GTF2F2: variants seen among roughly 807,000 people sequenced by gnomAD.
GTF2F2 encodes the protein ATP-dependent helicase GTF2F2.
GTF2F2 carries 23 observed loss-of-function variants against 42.2 expected under a neutral mutation model. The observed-to-expected ratio is 0.55, with a 90% CI of 0.39 to 0.77. GTF2F2 has a LOEUF of 0.77. Ranked by LOEUF, GTF2F2 falls within the 30% of genes least tolerant of loss-of-function variation. The pLI is 0.00. For synonymous variants in GTF2F2, 105 were observed against 100.8 expected (o/e 1.04, Z -0.25); for missense variants, 261 against 287.2 (o/e 0.91, Z 0.66).
rs952426446 is a variant in GTF2F2 at position 45,123,755 on chromosome 13, T to C, written c.66+3034T>C. ...AACAAAATATCCAGGACCTGTACTG[T>C]TCTGGCCTAATGAAGTGCTATTTCT... On this transcript the variant is annotated intron_variant, in intron 1 of 7. Coordinates refer to ENST00000340473, the MANE Select transcript of GTF2F2 (RefSeq NM_004128.3). 7.9e-5 allele frequency among the ~76,000 whole-genome samples: 12 copies of C among 152,084 alleles called. 1 individual carries two copies. The highest frequency in any genetic ancestry group is 2.9e-4 in the African/African-American group (12 of 41,506).
intron 4 of GTF2F2, among the ~76,000 whole-genome samples, chr13:45,191,533 TGAATG>T (rs1167312615): frequency 1.3e-5 from 2 of 151,910 alleles, no homozygotes; most frequent in Non-Finnish European, 2.9e-5. Flanking sequence ...TTGAGTTTCT[TGAATG>T]GAAAGTATTT....
chr13:45,255,509 A>G (rs768300597), intron 6 of GTF2F2, among the ~76,000 whole-genome samples: 3 of 152,214 alleles, frequency 2.0e-5, no homozygotes, highest in Non-Finnish European at 4.4e-5. Flanking sequence ...TTAGGAGGAA[A>G]ATAAACTAAA....
chr13:45,180,913 G>GTGTAGACTTA (rs1872121586), intron 4 of GTF2F2, among the ~76,000 whole-genome samples: 34 of 151,804 alleles, frequency 2.2e-4, no homozygotes, highest in African/African-American at 8.3e-4. Context: ...TATAATCCCA[G>GTGTAGACTTA]CACTTTGGGA....
At position 45,212,447 on chromosome 13, in the gene GTF2F2, G is replaced by GTTTCTTTCTTTCTTTTCTTTTCTTTTC. The variant is rs1555269186; in HGVS notation, c.386+4957_386+4958insTCTTTTCTTTTCTTTCTTTCTTTCTTT. Among the ~76,000 whole-genome samples the GTTTCTTTCTTTCTTTTCTTTTCTTTTC allele has an allele frequency of 5.4e-3, 246 of 45,672 alleles. 15 individuals are homozygous for GTTTCTTTCTTTCTTTTCTTTTCTTTTC. Among genetic ancestry groups the GTTTCTTTCTTTCTTTTCTTTTCTTTTC allele is most frequent in the East Asian group, 0.024 (48 of 2,040 alleles). 30.0% of individuals were successfully genotyped at this position (45,672 alleles called of 152,430 possible). On this transcript the variant is annotated intron_variant, in intron 5 of 7. Coordinates refer to ENST00000340473, the MANE Select transcript of GTF2F2 (RefSeq NM_004128.3). ...TGATTTCTTTCTTTCTTTCTTTCTT[G>GTTTCTTTCTTTCTTTTCTTTTCTTTTC]TTTCTTTCTTTCTTTCTTTCTTTCT...
intron 5 of GTF2F2, chr13:45,219,204 A>G (rs1874012741): frequency 6.6e-6 from 1 of 152,188 alleles, no homozygotes; most frequent in East Asian, 1.9e-4. Flanking sequence ...ACAAAAAAGA[A>G]AATTGAATCA....
intron 4 of GTF2F2, among the ~76,000 whole-genome samples, chr13:45,166,635 T>C (rs1871310853): frequency 6.6e-6 from 1 of 152,308 alleles, no homozygotes; most frequent in South Asian, 2.1e-4. Flanking sequence ...CAATCCACTA[T>C]GACCAGACTT....
rs1344263654 is a variant in GTF2F2, at chr13:45,207,004, A to AC, written c.305-420_305-419insC. 1.1e-3 allele frequency: 151 copies of AC among 137,520 alleles called. No individual in the cohort carries two copies. In the South Asian group the frequency reaches 0.012, roughly 11 times the overall value. The allele number at this position is 137,520 out of a possible 1,614,324, so 8.5% of individuals were successfully genotyped here. A position where few individuals can be genotyped will look rare whatever the true frequency, so the allele number is the denominator to read the frequency against. On this transcript the variant is annotated intron_variant, in intron 4 of 7. Transcript: ENST00000340473. ...ACTTGAGAATTTTATTCACATACAC[A>AC]AACACACACACACACACACACACAC... is the stretch of plus-strand genomic sequence containing the variant.
chr13:45,205,194 C>T (rs1014491211), intron 4 of GTF2F2, among the ~76,000 whole-genome samples: 1 of 152,172 alleles, frequency 6.6e-6, no homozygotes, highest in African/African-American at 2.4e-5. Context: ...AATTGACTCA[C>T]GGTTCCGCAT....
chr13:45,132,710 G>A lies in GTF2F2; in HGVS notation c.67-4023G>A, dbSNP rs987465259. 1.6e-4 allele frequency among the ~76,000 whole-genome samples: 24 copies of A among 151,990 alleles called. No individual in the cohort carries two copies. In the South Asian group the frequency reaches 2.5e-3, roughly 16 times the overall value. ...ATAGTTTATCCATTGTTTAAAGAGG[G>A]TAAAGCAAGTAAAAGTATCCAATTG... On this transcript the variant is annotated intron_variant, in intron 1 of 7. Coordinates refer to ENST00000340473, the MANE Select transcript of GTF2F2 (RefSeq NM_004128.3).
At chr13:45,170,527 C>T (rs1174880267) in intron 4 of GTF2F2, among the ~76,000 whole-genome samples, 4 of 152,172 alleles carry the variant, frequency 2.6e-5, no homozygotes, top group Non-Finnish European at 5.9e-5. Flanking sequence ...GTCTTGAAAT[C>T]ATCTCCAACA....
chr13:45,224,908 A>G (rs1384302642), intron 5 of GTF2F2, among the ~76,000 whole-genome samples: 1 of 152,246 alleles, frequency 6.6e-6, no homozygotes, highest in East Asian at 1.9e-4. Flanking sequence ...TTTGTGGGAT[A>G]CCATCTTTGT....
At chr13:45,223,424 C>T (rs1010481146) in intron 5 of GTF2F2, among the ~76,000 whole-genome samples, 10 of 151,994 alleles carry the variant, frequency 6.6e-5, no homozygotes, top group African/African-American at 1.9e-4. Context: ...CCAATCCTGT[C>T]GGGTACGCAC....
intron 7 of GTF2F2, among the ~76,000 whole-genome samples, chr13:45,278,749 CAT>C (rs1402713857): frequency 1.3e-5 from 2 of 149,318 alleles, no homozygotes; most frequent in African/African-American, 4.9e-5. Context: ...TCAGTGGTCT[CAT>C]AATACCCTGT....
At chr13:45,281,417 G>A (rs1171293474) in intron 7 of GTF2F2, among the ~76,000 whole-genome samples, 1 of 152,212 alleles carries the variant, frequency 6.6e-6, no homozygotes, top group Non-Finnish European at 1.5e-5. Context: ...TCAGTGTAAA[G>A]TGGCATTAGA....
intron 5 of GTF2F2, among the ~76,000 whole-genome samples, chr13:45,246,060 A>G (rs960133000): frequency 6.6e-6 from 1 of 150,652 alleles, no homozygotes; most frequent in African/African-American, 2.4e-5. Flanking sequence ...CCAGGCTGGA[A>G]TGCAGTGGCC....
intron 5 of GTF2F2, among the ~76,000 whole-genome samples, chr13:45,246,170 G>A (rs1249276377): frequency 2.6e-5 from 4 of 151,032 alleles, no homozygotes; most frequent in African/African-American, 7.3e-5. Context: ...CACCATGCCC[G>A]GCTAATTTTT....
intron 1 of GTF2F2, among the ~76,000 whole-genome samples, chr13:45,128,204 C>A (rs1869146231): frequency 6.8e-6 from 1 of 147,402 alleles, no homozygotes; most frequent in Non-Finnish European, 1.5e-5. Context: ...TCGTGATCCG[C>A]CTGCCTCAGC....
Position 45,165,310 on chromosome 13 carries a change from A to T in GTF2F2, c.304+13479A>T, listed in dbSNP as rs545081321. 1.7e-4 allele frequency among the ~76,000 whole-genome samples: 24 copies of T among 141,690 alleles called. No individual in the cohort carries two copies. The East Asian group carries it at 4.2e-3, about 25-fold the overall frequency. The allele number at this position is 141,690 out of a possible 152,430, so 93.0% of individuals were successfully genotyped here. A position where few individuals can be genotyped will look rare whatever the true frequency, so the allele number is the denominator to read the frequency against. On this transcript the variant is annotated intron_variant, in intron 4 of 7. Coordinates refer to ENST00000340473, the MANE Select transcript of GTF2F2 (RefSeq NM_004128.3). ...CATTATCCATTAGATTTATATCTAA[A>T]ATATATATATATATATATATATTTT...
chr13:45,200,609 A>G (rs1206475722), intron 4 of GTF2F2, among the ~76,000 whole-genome samples: 2 of 152,216 alleles, frequency 1.3e-5, no homozygotes, highest in South Asian at 2.1e-4. Flanking sequence ...CCTGAAGATC[A>G]AATAGAGATC....
Sources: allele counts gnomAD v4.1 joint callset (sites outside exome capture counted in the v4.1 genomes callset), GRCh38; gene constraint gnomAD v4.1.1; transcripts MANE v1.5; gene names NCBI Gene and HGNC (gene_info 2026-07-23, HGNC 2026-07-21).